The following AMPH variants were observed in gnomAD, a reference collection of about 807,000 sequenced individuals.
AMPH encodes the protein amphiphysin.
Under a neutral mutation model 99.1 loss-of-function variants are expected in AMPH, and 49 were observed. The observed-to-expected ratio is 0.49, with a 90% CI of 0.39 to 0.63. The LOEUF (loss-of-function observed/expected upper bound fraction) is 0.63, where lower values mean the gene tolerates loss of function less well. Ranked by LOEUF, AMPH falls within the 20% of genes least tolerant of loss-of-function variation. AMPH has a pLI of 0.00. For missense variants in AMPH, 759 were observed against 863.4 expected, an observed-to-expected ratio of 0.88 and a Z score of 1.52; for synonymous variants, 314 against 317.3, an observed-to-expected ratio of 0.99 and a Z score of 0.11.
intron 5 of AMPH, among the ~76,000 whole-genome samples, chr7:38,477,640 C>T (rs929791857): frequency 2.0e-5 from 3 of 152,092 alleles, no homozygotes; most frequent in African/African-American, 7.2e-5. Flanking sequence ...TATATGGCTG[C>T]TAGGGGATAG....
chr7:38,422,477 G>T lies in AMPH; in HGVS notation c.1216C>A (p.Pro406Thr). ...ATTGTGAATAATGAAGTATCCTGGGGCTGAAAATCAAGGATAAAAATAGAA... is the reference window on the plus strand; with the variant it reads ...ATTGTGAATAATGAAGTATCCTGGGTCTGAAAATCAAGGATAAAAATAGAA... ...SGGSFNGFTQ[P>T]QDTSLFTMQT... Residue 406 changes from proline (P) to threonine (T), a missense_variant and splice_region_variant, in exon 16 of 21, where the codon CCC becomes ACC. Pro to Thr is a conservative substitution (Grantham distance 38). Transcript: ENST00000356264. The T allele has an allele frequency of 6.2e-7, 1 of 1,611,676 alleles. No homozygotes were observed. The highest frequency in any genetic ancestry group is 8.5e-7 in the Non-Finnish European group (1 of 1,178,196).
chr7:38,416,189 T>C (rs1181076048), intron 17 of AMPH, among the ~76,000 whole-genome samples: 1 of 148,254 alleles, frequency 6.7e-6, no homozygotes, highest in Non-Finnish European at 1.5e-5. Flanking sequence ...TGGAAAACCA[T>C]AAACCTGGAT....
At chr7:38,587,914 C>CTCTGTG (rs1331025058) in intron 1 of AMPH, among the ~76,000 whole-genome samples, 249 of 126,190 alleles carry the variant, frequency 2.0e-3, no homozygotes, top group South Asian at 4.1e-3. Context: ...TTATTAATTA[C>CTCTGTG]TGTGTGTGTG....
chr7:38,584,434 G>A (rs1792574355), intron 1 of AMPH, among the ~76,000 whole-genome samples: 1 of 152,330 alleles, frequency 6.6e-6, no homozygotes, highest in South Asian at 2.1e-4. Flanking sequence ...TATCATTCAA[G>A]ATGTGGTCAT....
intron 17 of AMPH, among the ~76,000 whole-genome samples, chr7:38,399,659 G>A (rs1397477116): frequency 1.3e-5 from 2 of 152,108 alleles, no homozygotes; most frequent in Non-Finnish European, 2.9e-5. Flanking sequence ...ATACCTGCTA[G>A]GAAAAACCAC....
At chr7:38,422,699 G>A (rs1241745565) in intron 15 of AMPH, among the ~76,000 whole-genome samples, 14 of 151,832 alleles carry the variant, frequency 9.2e-5, no homozygotes, top group African/African-American at 2.2e-4. Context: ...CATGCTCACC[G>A]CATTCTCCAC....
intron 1 of AMPH, among the ~76,000 whole-genome samples, chr7:38,602,069 C>T (rs538714466): frequency 6.6e-6 from 1 of 152,204 alleles, no homozygotes. Context: ...GGTCATCTCA[C>T]CCTGTCTATG....
chr7:38,581,108 A>C (rs995187866), intron 1 of AMPH, among the ~76,000 whole-genome samples: 1 of 152,206 alleles, frequency 6.6e-6, no homozygotes, highest in Non-Finnish European at 1.5e-5. Context: ...ATAGAAGAAC[A>C]GACAAAAGAA....
At chr7:38,504,174 T>C (rs1943408589) in intron 2 of AMPH, among the ~76,000 whole-genome samples, 1 of 152,244 alleles carries the variant, frequency 6.6e-6, no homozygotes, top group Non-Finnish European at 1.5e-5. Flanking sequence ...TAATTTTATA[T>C]AGATTACATG....
chr7:38,557,982 G>A (rs557746524), intron 1 of AMPH, among the ~76,000 whole-genome samples: 48 of 151,200 alleles, frequency 3.2e-4, no homozygotes, highest in Non-Finnish European at 6.0e-4. Context: ...ACTCCAGCCC[G>A]GGTGATAATG....
At chr7:38,606,780 G>T (rs928388893) in intron 1 of AMPH, among the ~76,000 whole-genome samples, 4 of 151,878 alleles carry the variant, frequency 2.6e-5, no homozygotes, top group African/African-American at 9.7e-5. Context: ...TTGCTATGTT[G>T]CCCAGGCTGG....
intron 17 of AMPH, among the ~76,000 whole-genome samples, chr7:38,407,380 A>ATT (rs1785075443): frequency 6.6e-6 from 1 of 150,974 alleles, no homozygotes; most frequent in Non-Finnish European, 1.5e-5. Context: ...AGAACACCAC[A>ATT]TGTTCTCACT....
At chr7:38,493,780 TAGGGGGATTG>T (rs1788817478) in intron 4 of AMPH, among the ~76,000 whole-genome samples, 1 of 152,100 alleles carries the variant, frequency 6.6e-6, no homozygotes, top group African/African-American at 2.4e-5. Context: ...GCATAGTCAA[TAGGGGGATTG>T]AGATGAACGG....
intron 2 of AMPH, among the ~76,000 whole-genome samples, chr7:38,517,657 C>G (rs1424871812): frequency 1.3e-5 from 2 of 152,134 alleles, no homozygotes; most frequent in East Asian, 1.9e-4. Flanking sequence ...ATTCAGGTTG[C>G]TGTGTGGTTA....
intron 2 of AMPH, among the ~76,000 whole-genome samples, chr7:38,514,382 T>TA (rs1011688292): frequency 6.6e-6 from 1 of 152,252 alleles, no homozygotes; most frequent in African/African-American, 2.4e-5. Flanking sequence ...TGAAACACTT[T>TA]AAAATTTGGA....
chr7:38,492,929 T>G (rs558550042), intron 4 of AMPH, among the ~76,000 whole-genome samples: 3 of 152,372 alleles, frequency 2.0e-5, no homozygotes, highest in African/African-American at 7.2e-5. Context: ...GTTGAAATAC[T>G]GTGTTTTAAT....
At chr7:38,464,170 T>C (rs1787563233) in intron 9 of AMPH, 3 of 1,256,644 alleles carry the variant, frequency 2.4e-6, no homozygotes, top group Non-Finnish European at 3.1e-6. Context: ...TTCTTCACTG[T>C]ATCTCATTTG....
intron 5 of AMPH, among the ~76,000 whole-genome samples, chr7:38,482,938 A>AT (rs1788345983): frequency 6.6e-6 from 1 of 152,056 alleles, no homozygotes. Context: ...ACAGGAATCA[A>AT]TTTTTGTTTG....
chr7:38,580,605 T>G (rs1792411566), intron 1 of AMPH, among the ~76,000 whole-genome samples: 1 of 152,060 alleles, frequency 6.6e-6, no homozygotes, highest in Non-Finnish European at 1.5e-5. Flanking sequence ...GCCTGTGATA[T>G]TCACCCTCCA....
Sources: allele counts gnomAD v4.1 joint callset (sites outside exome capture counted in the v4.1 genomes callset), GRCh38; gene constraint gnomAD v4.1.1; transcripts MANE v1.5; gene names NCBI Gene and HGNC (gene_info 2026-07-23, HGNC 2026-07-21).